Variants in DOCK1 observed in about 807,000 individuals in gnomAD.
The protein encoded by DOCK1 is dedicator of cytokinesis 1, also known as dedicator of cytokinesis protein 1.
Under a neutral mutation model 262.7 loss-of-function variants are expected in DOCK1, and 138 were observed. That is an observed-to-expected ratio of 0.53 (90% CI 0.46 to 0.61). The LOEUF is 0.61. Ranked by LOEUF, DOCK1 falls within the 20% of genes least tolerant of loss-of-function variation. The pLI is 0.00. For missense variants in DOCK1, 1,908 were observed against 2,370.7 expected, an observed-to-expected ratio of 0.80 and a Z score of 4.05; for synonymous variants, 866 against 867.4, an observed-to-expected ratio of 1.00 and a Z score of 0.03.
chr10:127,363,905 C>CT (rs1226367434), intron 33 of DOCK1, among the ~76,000 whole-genome samples: 2 of 152,290 alleles, frequency 1.3e-5, no homozygotes, highest in African/African-American at 4.8e-5. Flanking sequence ...CACTCAACAT[C>CT]TTTTAAGTCT....
At chr10:127,239,007 A>G (rs7080251) in intron 27 of DOCK1, among the ~76,000 whole-genome samples, 42,802 of 152,038 alleles carry the variant, frequency 0.28, 6,089 homozygotes, top group East Asian at 0.4. Context: ...CAAGGGGTGG[A>G]AGTAGAACCT....
chr10:127,154,816 G>C (rs937092628), intron 27 of DOCK1, among the ~76,000 whole-genome samples: 1 of 152,116 alleles, frequency 6.6e-6, no homozygotes, highest in Non-Finnish European at 1.5e-5. Context: ...TATTGTTGAA[G>C]GTTGTATAAA....
At chr10:127,004,752 C>CA (rs2040866727) in intron 10 of DOCK1, among the ~76,000 whole-genome samples, 1 of 125,772 alleles carries the variant, frequency 8.0e-6, no homozygotes. Context: ...CTGTCCCCCC[C>CA]AACGGCCCCC....
At chr10:127,095,478 G>A (rs2047851735) in intron 23 of DOCK1, among the ~76,000 whole-genome samples, 1 of 152,202 alleles carries the variant, frequency 6.6e-6, no homozygotes, top group Non-Finnish European at 1.5e-5. Context: ...AAGGGATATG[G>A]GAGAGAAGTG....
At chr10:127,036,134 T>C (rs1230339146) in intron 18 of DOCK1, among the ~76,000 whole-genome samples, 1 of 152,250 alleles carries the variant, frequency 6.6e-6, no homozygotes, top group Non-Finnish European at 1.5e-5. Flanking sequence ...AAGTGCTTTC[T>C]ACACGTCATG....
intron 27 of DOCK1, among the ~76,000 whole-genome samples, chr10:127,168,381 A>C (rs2054269191): frequency 6.6e-6 from 1 of 152,214 alleles, no homozygotes; most frequent in African/African-American, 2.4e-5. Context: ...GGCACAGGAG[A>C]GCATTTGGCA....
chr10:127,364,015 C>T (rs1396621660), intron 33 of DOCK1, among the ~76,000 whole-genome samples: 3 of 152,332 alleles, frequency 2.0e-5, no homozygotes, highest in Non-Finnish European at 4.4e-5. Flanking sequence ...TAGCACGGTG[C>T]CTGGCACTAT....
intron 27 of DOCK1, among the ~76,000 whole-genome samples, chr10:127,203,503 T>C (rs1414954737): frequency 6.6e-6 from 1 of 152,192 alleles, no homozygotes; most frequent in African/African-American, 2.4e-5. Flanking sequence ...TAACAAGCTA[T>C]GAAACATTGG....
chr10:127,367,590 T>C (rs7902152), intron 33 of DOCK1, among the ~76,000 whole-genome samples: 17,613 of 152,132 alleles, frequency 0.12, 1,277 homozygotes, highest in East Asian at 0.29. Flanking sequence ...AAGTGTCGTG[T>C]TCTGCAGGAG....
In DOCK1 at chr10:127,024,753, A is replaced by G. The variant is rs1178686363; in HGVS notation, c.1521A>G (p.Val507=). The G allele has an allele frequency of 6.2e-7, 1 of 1,612,146 alleles. No individual in the cohort carries two copies. Among genetic ancestry groups the G allele is most frequent in the Admixed American group, 1.7e-5 (1 of 59,822 alleles). The change falls in exon 15 of 52, where the codon GTA becomes GTG. Residue 507 remains valine, a synonymous_variant. Transcript: ENST00000623213. ...SEYKSVIYYQ[V]KQPRWFETVK... is the part of the protein sequence containing the mutation. ...ACAAATCTGTGATTTACTACCAAGT[A>G]AAGCAGCCACGCTGGTTTGAGACTG...
chr10:127,255,956 T>G (rs970785334), intron 28 of DOCK1, among the ~76,000 whole-genome samples: 1 of 152,188 alleles, frequency 6.6e-6, no homozygotes, highest in Non-Finnish European at 1.5e-5. Context: ...AGAAGCCATT[T>G]GTTGTGTCGG....
chr10:127,328,268 A>G (rs1309449721), intron 29 of DOCK1, among the ~76,000 whole-genome samples: 1 of 152,200 alleles, frequency 6.6e-6, no homozygotes, highest in Non-Finnish European at 1.5e-5. Context: ...TCACTGGTGT[A>G]TGCTGAGCGT....
At chr10:127,049,958 A>C (rs60046145) in intron 21 of DOCK1, among the ~76,000 whole-genome samples, 10 of 148,204 alleles carry the variant, frequency 6.7e-5, no homozygotes, top group African/African-American at 2.2e-4. Flanking sequence ...CATAATGACA[A>C]AACTGGCCTC....
At chr10:127,427,076 C>T (rs938934677) in intron 47 of DOCK1, among the ~76,000 whole-genome samples, 12 of 152,262 alleles carry the variant, frequency 7.9e-5, no homozygotes, top group African/African-American at 2.9e-4. Context: ...TGTGGAGACA[C>T]CAGACACGGC....
intron 2 of DOCK1, among the ~76,000 whole-genome samples, chr10:126,976,130 G>T (rs2038522559): frequency 6.6e-6 from 1 of 152,018 alleles, no homozygotes; most frequent in Admixed American, 6.5e-5. Flanking sequence ...TTTCCTTTTT[G>T]ATATATGAGC....
intron 1 of DOCK1, among the ~76,000 whole-genome samples, chr10:126,926,134 G>A (rs2033699158): frequency 1.3e-5 from 2 of 152,098 alleles, no homozygotes; most frequent in Admixed American, 6.5e-5. Context: ...TCAGCATCGT[G>A]CCCGACACCT....
At chr10:126,985,301 T>C (rs187043916) in intron 4 of DOCK1, among the ~76,000 whole-genome samples, 116 of 152,282 alleles carry the variant, frequency 7.6e-4, no homozygotes, top group African/African-American at 2.8e-3. Flanking sequence ...TTAAAGATGC[T>C]CTGCCTTGAT....
At chr10:127,251,109 T>C (rs2059623138) in intron 28 of DOCK1, among the ~76,000 whole-genome samples, 1 of 151,834 alleles carries the variant, frequency 6.6e-6, no homozygotes, top group East Asian at 2.0e-4. Flanking sequence ...ATTACAGGCA[T>C]GCACCACCAC....
chr10:127,314,943 T>C (rs544616592), intron 29 of DOCK1, among the ~76,000 whole-genome samples: 210 of 152,274 alleles, frequency 1.4e-3, no homozygotes, highest in Middle Eastern at 0.01. Context: ...CAGACAGATA[T>C]CTAGAAACAA....
Sources: gnomAD v4.1 joint callset for allele counts (sites outside exome capture counted in the v4.1 genomes callset) on GRCh38, gnomAD v4.1.1 for gene constraint, MANE v1.5 for transcripts, NCBI Gene and HGNC (gene_info 2026-07-23, HGNC 2026-07-21) for gene names.